Variants in ALDH1A2 observed in about 807,000 individuals in gnomAD.
ALDH1A2 encodes the protein retinal dehydrogenase 2.
ALDH1A2 carries 27 observed loss-of-function variants against 60.3 expected under a neutral mutation model. That is an observed-to-expected ratio of 0.45 (90% CI 0.33 to 0.62). The LOEUF (loss-of-function observed/expected upper bound fraction) is 0.62. ALDH1A2 is among the 20% of genes least tolerant of loss of function. ALDH1A2 has a pLI of 0.02. For synonymous variants in ALDH1A2, 289 were observed against 232.4 expected (o/e 1.24, Z -2.21); for missense variants, 581 against 643.8 (o/e 0.90, Z 1.06).
intron 1 of ALDH1A2, among the ~76,000 whole-genome samples, chr15:58,043,629 T>C (rs1776494531): frequency 6.6e-6 from 1 of 152,028 alleles, no homozygotes; most frequent in Admixed American, 6.6e-5. Flanking sequence ...AAGACATCAT[T>C]TGAAACGGTG....
chr15:57,967,207 G>A (rs893595027), intron 7 of ALDH1A2, among the ~76,000 whole-genome samples: 2 of 148,302 alleles, frequency 1.3e-5, no homozygotes, highest in East Asian at 2.0e-4. Flanking sequence ...CTGTCACTTC[G>A]TAACTGTTTG....
chr15:58,038,210 G>T (rs1221026715), intron 1 of ALDH1A2, among the ~76,000 whole-genome samples: 6 of 151,360 alleles, frequency 4.0e-5, no homozygotes, highest in African/African-American at 1.5e-4. Context: ...CATTGTATTT[G>T]CTGGAGTCTC....
chr15:57,965,683 G>T, intron 8 of ALDH1A2, 42 bp downstream of exon 8: 1 of 1,363,436 alleles, frequency 7.3e-7, no homozygotes, highest in Non-Finnish European at 1.1e-6. Context: ...GAGCACCAAA[G>T]GGTGTGTGGT....
chr15:57,997,618 C>T (rs1341940218), intron 4 of ALDH1A2, among the ~76,000 whole-genome samples: 1 of 151,958 alleles, frequency 6.6e-6, no homozygotes, highest in Non-Finnish European at 1.5e-5. Flanking sequence ...TTTCCCCCTA[C>T]ACATTTTATG....
At chr15:57,983,992 G>A (rs189720749) in intron 7 of ALDH1A2, among the ~76,000 whole-genome samples, 25 of 152,342 alleles carry the variant, frequency 1.6e-4, no homozygotes, top group Admixed American at 5.9e-4. Context: ...GTTACAATGT[G>A]TCTATGACCT....
chr15:58,025,673 C>A (rs1312422850), intron 1 of ALDH1A2, among the ~76,000 whole-genome samples: 1 of 152,148 alleles, frequency 6.6e-6, no homozygotes. Context: ...AAAGGAATAC[C>A]TGAGGATAGA....
Position 57,995,233 on chromosome 15 carries a change from A to C in ALDH1A2, c.494-94T>G, listed in dbSNP as rs567915706. 1.1e-4 allele frequency: 79 copies of C among 742,962 alleles called. 3 individuals carry two copies. The highest frequency in any genetic ancestry group is 5.7e-4 in the Middle Eastern group (2 of 3,498). The allele number at this position is 742,962 out of a possible 1,614,324, so 46.0% of individuals were successfully genotyped here. A position where few individuals can be genotyped will look rare whatever the true frequency, so the allele number is the denominator to read the frequency against. ...TGGTGGCTGCAAAAAAAAAAAAAAA[A>C]AAACAAACAGAAATAAACTTGAAAA... On this transcript the variant is annotated intron_variant, in intron 4 of 12. Coordinates refer to ENST00000249750, the MANE Select transcript of ALDH1A2 (RefSeq NM_003888.4).
intron 1 of ALDH1A2, among the ~76,000 whole-genome samples, chr15:58,024,309 T>C (rs1896015441): frequency 6.6e-6 from 1 of 152,044 alleles, no homozygotes; most frequent in African/African-American, 2.4e-5. Flanking sequence ...AATGATCCAA[T>C]TTTATACTGC....
intron 7 of ALDH1A2, among the ~76,000 whole-genome samples, chr15:57,978,806 G>T (rs1894370801): frequency 6.6e-6 from 1 of 152,182 alleles, no homozygotes; most frequent in Non-Finnish European, 1.5e-5. Flanking sequence ...GGAGGCCAAG[G>T]TGCGTGGATT....
At chr15:58,029,934 G>C (rs1191624319) in intron 1 of ALDH1A2, among the ~76,000 whole-genome samples, 1 of 152,182 alleles carries the variant, frequency 6.6e-6, no homozygotes, top group Non-Finnish European at 1.5e-5. Flanking sequence ...TGGAATCACA[G>C]TGCAATTCTA....
chr15:57,957,382 A>T (rs543786153), intron 12 of ALDH1A2, among the ~76,000 whole-genome samples: 1 of 152,280 alleles, frequency 6.6e-6, no homozygotes, highest in South Asian at 2.1e-4. Flanking sequence ...GGACCAGGAG[A>T]CTGAGAGACA....
At chr15:58,064,573 G>A (rs1254064988) in intron 1 of ALDH1A2, among the ~76,000 whole-genome samples, 3 of 152,164 alleles carry the variant, frequency 2.0e-5, no homozygotes, top group Non-Finnish European at 4.4e-5. Flanking sequence ...CGTTAATTGG[G>A]AGAAGTTGAG....
intron 1 of ALDH1A2, among the ~76,000 whole-genome samples, chr15:58,044,279 G>T (rs955330510): frequency 6.6e-6 from 1 of 151,846 alleles, no homozygotes; most frequent in Admixed American, 6.6e-5. Flanking sequence ...TGCACATTAG[G>T]TATTTGTCCT....
In ALDH1A2 at chr15:58,008,727, C is replaced by T. The variant is rs1225270444; in HGVS notation, c.493+1922G>A. ...GTGGAGTGGGGACCAAAAAAACCAA[C>T]AACTAGGGACTTTGATCTTGTAAAT... On this transcript the variant is annotated intron_variant, in intron 4 of 12. Transcript: ENST00000249750. 4.6e-5 allele frequency among the ~76,000 whole-genome samples: 7 copies of T among 152,058 alleles called. No homozygotes were observed. In the East Asian group the frequency reaches 1.3e-3, roughly 29 times the overall value.
chr15:57,992,334 G>A (rs1894922930), intron 7 of ALDH1A2, among the ~76,000 whole-genome samples: 1 of 152,116 alleles, frequency 6.6e-6, no homozygotes, highest in Admixed American at 6.5e-5. Context: ...GCACCTACCG[G>A]ACCTGTCCAA....
rs569385091 is a variant in ALDH1A2, at chr15:58,064,301, T to A, written c.117+1233A>T. On this transcript the variant is annotated intron_variant, in intron 1 of 12. Coordinates refer to ENST00000249750, the MANE Select transcript of ALDH1A2 (RefSeq NM_003888.4). ...CTCTCATTAAAACGGCTTTGAAAAA[T>A]TTGTCACACCATCTAAAAAAGCTAG... Among the ~76,000 whole-genome samples, 3 of 152,248 alleles carry A rather than the reference T, an allele frequency of 2.0e-5. No homozygotes were observed. The East Asian group carries it at 5.8e-4, about 29-fold the overall frequency.
chr15:58,040,276 G>A (rs1299034020), intron 1 of ALDH1A2, among the ~76,000 whole-genome samples: 1 of 151,858 alleles, frequency 6.6e-6, no homozygotes, highest in African/African-American at 2.4e-5. Context: ...AGGCAGAATT[G>A]TTTGATAAGT....
At chr15:57,971,488 T>C (rs531317676) in intron 7 of ALDH1A2, among the ~76,000 whole-genome samples, 1 of 152,330 alleles carries the variant, frequency 6.6e-6, no homozygotes, top group Middle Eastern at 3.4e-3. Flanking sequence ...TGTAGTAGTA[T>C]GATTATGGCT....
rs200798769 is a variant in ALDH1A2, at chr15:57,955,213, G to A, written c.1541C>T (p.Pro514Leu). ...TTGGCCTTCTTAGGAGTTCTTCTGG[G>A]GGATCTTTACTGTCACCGTCTTAAC... ...SEVKTVTVKI[P>L]QKNS is the part of the protein sequence containing the mutation. The change falls in exon 13 of 13, where the codon CCC (proline) becomes CTC (leucine). Residue 514 changes from proline (P) to leucine (L), a missense_variant. Transcript: ENST00000249750. 1.9e-5 allele frequency: 30 copies of A among 1,613,964 alleles called. No homozygotes were observed. The highest frequency in any genetic ancestry group is 2.5e-5 in the Non-Finnish European group (29 of 1,180,024).
Sources: allele counts gnomAD v4.1 joint callset (sites outside exome capture counted in the v4.1 genomes callset), GRCh38; gene constraint gnomAD v4.1.1; transcripts MANE v1.5; gene names NCBI Gene and HGNC (gene_info 2026-07-23, HGNC 2026-07-21).